CROCC: variants seen among roughly 807,000 people sequenced by gnomAD.
The protein encoded by CROCC is ciliary rootlet coiled-coil, rootletin.
Under a neutral mutation model 245.2 loss-of-function variants are expected in CROCC, and 180 were observed. The ratio of observed to expected loss-of-function variants is 0.73; its 90% confidence interval spans 0.65 to 0.83. The LOEUF is 0.83. CROCC is among the 40% of genes least tolerant of loss of function. The pLI, the probability that CROCC is intolerant of heterozygous loss-of-function variation, is 0.00. For synonymous variants in CROCC, 1,205 were observed against 1,241.6 expected (o/e 0.97, Z 0.62); for missense variants, 2,688 against 2,779.4 (o/e 0.97, Z 0.74).
At chr1:16,920,575 G>A (rs938561802), upstream of CROCC, among the ~76,000 whole-genome samples, 1 of 152,252 alleles carries the variant, frequency 6.6e-6, no homozygotes, top group African/African-American at 2.4e-5. Flanking sequence ...GAACACCATA[G>A]TTGCAAGTGA....
rs80211784 is a variant in CROCC, at chr1:16,971,859, C to G, written c.5967+212C>G. Among the ~76,000 whole-genome samples, 1,255 of 152,356 alleles carry G rather than the reference C, an allele frequency of 8.2e-3. 13 individuals are homozygous for G. The highest frequency in any genetic ancestry group is 0.028 in the African/African-American group (1,173 of 41,580). Reference sequence around the variant, plus strand: ...GCCTCCTGCCATGGCTCTGTTCCCCCTGGCTCCATGCTCAGGGTAGCCTTC... The same window carrying G: ...GCCTCCTGCCATGGCTCTGTTCCCCGTGGCTCCATGCTCAGGGTAGCCTTC... On this transcript the variant is annotated intron_variant, in intron 36 of 36. Coordinates refer to ENST00000375541, the MANE Select transcript of CROCC (RefSeq NM_014675.5).
intron 27 of CROCC, among the ~76,000 whole-genome samples, chr1:16,964,432 G>A (rs1357242025): frequency 6.6e-6 from 1 of 151,000 alleles, no homozygotes; most frequent in Admixed American, 6.6e-5. Context: ...GCCCAGGCTG[G>A]AGTGTAATGG....
intron 35 of CROCC, 60 bp from the exon 36 acceptor site, chr1:16,971,405 C>T (rs953459801): frequency 2.1e-6 from 3 of 1,459,706 alleles, no homozygotes; most frequent in East Asian, 2.6e-5. Context: ...GACAACCCGT[C>T]ACACATGCAC....
chr1:16,942,670 C>T lies in CROCC; in HGVS notation c.1809-1430C>T, dbSNP rs554051839. 5.9e-5 allele frequency among the ~76,000 whole-genome samples: 9 copies of T among 152,382 alleles called. No individual in the cohort carries two copies. In the South Asian group the frequency reaches 6.2e-4, roughly 11 times the overall value. ...GCTCAGACTCATACAGCGTGTGTGG[C>T]TGGGGGTGGCAGGGTGGGAACTGGA... On this transcript the variant is annotated intron_variant, in intron 13 of 36. Transcript: ENST00000375541.
chr1:16,914,160 G>C (rs1253716561), intron 1 of CROCC, among the ~76,000 whole-genome samples: 1 of 151,366 alleles, frequency 6.6e-6, no homozygotes, highest in African/African-American at 2.4e-5. Context: ...GGGCGCGCGC[G>C]TGCGCGGGGG....
upstream of CROCC, among the ~76,000 whole-genome samples, chr1:16,920,916 G>T (rs1490124503): frequency 6.6e-6 from 1 of 152,220 alleles, no homozygotes; most frequent in African/African-American, 2.4e-5. Flanking sequence ...GCTAATTTTT[G>T]TATTTTTGGT....
At position 16,966,355 on chromosome 1, in the gene CROCC, T is replaced by G. The variant is rs975993951; in HGVS notation, c.4697-53T>G. 49 of 1,474,276 alleles carry G rather than the reference T, an allele frequency of 3.3e-5. No individual in the cohort carries two copies. Among genetic ancestry groups the G allele is most frequent in the Non-Finnish European group, 4.0e-5 (45 of 1,111,288 alleles). 91.3% of individuals were successfully genotyped at this position (1,474,276 alleles called of 1,614,324 possible). A position where few individuals can be genotyped will look rare whatever the true frequency, so the allele number is the denominator to read the frequency against. On this transcript the variant is annotated intron_variant, in intron 29 of 36. Transcript: ENST00000375541. This position sits in a 1 kb window ranked among gnomAD's most constrained non-coding sequence, Gnocchi z 4.8. ...AGGCTGGACATTTTGTGACCTGGTT[T>G]GGGTCTCGGGGCTGTGCTTGGCCAT... is the stretch of plus-strand genomic sequence containing the variant.
intron 17 of CROCC, among the ~76,000 whole-genome samples, chr1:16,947,582 AAT>A (rs1269504480): frequency 6.6e-6 from 1 of 152,220 alleles, no homozygotes; most frequent in Non-Finnish European, 1.5e-5. Flanking sequence ...AAGAGACCTT[AAT>A]GTTTCAGGGA....
intron 27 of CROCC, among the ~76,000 whole-genome samples, chr1:16,962,992 G>A (rs1029808518): frequency 6.6e-6 from 1 of 150,650 alleles, no homozygotes; most frequent in African/African-American, 2.4e-5. Context: ...GACCAGCCTA[G>A]CCAACATGGT....
Position 16,968,235 on chromosome 1 carries a change from A to C in CROCC, c.4893A>C (p.Thr1631=). 6.4e-7 allele frequency: 1 copy of C among 1,567,890 alleles called. No homozygotes were observed. The highest frequency in any genetic ancestry group is 1.2e-5 in the South Asian group (1 of 85,130). The change falls in exon 31 of 37, where the codon ACA becomes ACC. Residue 1631 remains threonine (T), a synonymous_variant. Coordinates refer to ENST00000375541, the MANE Select transcript of CROCC (RefSeq NM_014675.5). ...EKISKMKANE[T]KLEGDKRRLK... The stretch of plus-strand genomic sequence containing the variant: ...TCAGCAAGATGAAGGCCAATGAGAC[A>C]AAGCTGGAGGGCGACAAGCGGCGCC...
upstream of CROCC, among the ~76,000 whole-genome samples, chr1:16,918,741 TTTG>T (rs1241354195): frequency 1.6e-4 from 23 of 148,308 alleles, 1 homozygote; most frequent in African/African-American, 2.7e-4. Context: ...GTTTTTTGTT[TTTG>T]TTTTTTTTTT....
rs1490908122 is a variant in CROCC at position 16,921,950 on chromosome 1, G to A, written c.-69G>A. 1.5e-5 allele frequency: 22 copies of A among 1,438,406 alleles called. No individual in the cohort carries two copies. The highest frequency in any genetic ancestry group is 3.7e-5 in the South Asian group (3 of 81,086). The allele number at this position is 1,438,406 out of a possible 1,614,324, so 89.1% of individuals were successfully genotyped here. A position where few individuals can be genotyped will look rare whatever the true frequency, so the allele number is the denominator to read the frequency against. On this transcript the variant is annotated 5_prime_UTR_variant, in exon 1 of 37. Coordinates refer to ENST00000375541, the MANE Select transcript of CROCC (RefSeq NM_014675.5). ...CTCAGCACAGCATCCTGGCTGTGGC[G>A]CGTGCTGACTGAGCTAGTCTTGGGG...
chr1:16,954,625 G>A lies in CROCC; in HGVS notation c.3322-109G>A. ...TGGCAGAGGGTCCGGCAGGCCAGCG[G>A]GAGGGGCCGTGTTTAGAGCTAAAAG... On this transcript the variant is annotated intron_variant, in intron 22 of 36. Coordinates refer to ENST00000375541, the MANE Select transcript of CROCC (RefSeq NM_014675.5). The surrounding 1 kb of genome is among the most constrained non-coding windows in gnomAD (Gnocchi z 4.4). The A allele has an allele frequency of 7.1e-7, 1 of 1,401,116 alleles. No individual in the cohort carries two copies. The highest frequency in any genetic ancestry group is 9.5e-7 in the Non-Finnish European group (1 of 1,051,154). 86.8% of individuals were successfully genotyped at this position (1,401,116 alleles called of 1,614,324 possible). A position where few individuals can be genotyped will look rare whatever the true frequency, so the allele number is the denominator to read the frequency against.
intron 1 of CROCC, among the ~76,000 whole-genome samples, chr1:16,915,607 T>G (rs1450813786): frequency 1.3e-5 from 2 of 149,860 alleles, no homozygotes; most frequent in African/African-American, 4.9e-5. Flanking sequence ...GCCACTGCAC[T>G]CCAGCCTGGA....
chr1:16,948,682 G>C lies in CROCC; in HGVS notation c.2709-117G>C, dbSNP rs1157036871. The C allele has an allele frequency of 3.2e-6, 5 of 1,539,694 alleles. No individual in the cohort carries two copies. The African/African-American group carries it at 6.8e-5, about 21-fold the overall frequency. On this transcript the variant is annotated intron_variant, in intron 18 of 36. Coordinates refer to ENST00000375541, the MANE Select transcript of CROCC (RefSeq NM_014675.5). The stretch of plus-strand genomic sequence containing the variant: ...GCTCAGGCTTCCCCAGGGAGTGTGG[G>C]CCTGGCCAGGCAGGTAGATTGGCAC...
chr1:16,922,708 C>T lies in CROCC; in HGVS notation c.106C>T (p.Arg36Trp), dbSNP rs138804532. The T allele has an allele frequency of 2.0e-4, 315 of 1,613,610 alleles. No homozygotes were observed. Among genetic ancestry groups the T allele is most frequent in the Middle Eastern group, 3.3e-4 (2 of 6,060 alleles). Reference protein sequence around the residue: ...VLCQEKGLGARDLAQDAQITS... With the variant: ...VLCQEKGLGAWDLAQDAQITS... Reference sequence around the variant, plus strand: ...GTGCCAGGAGAAAGGCTTGGGCGCGCGGGACCTGGCCCAGGACGCTCAGAT... The same window carrying T: ...GTGCCAGGAGAAAGGCTTGGGCGCGTGGGACCTGGCCCAGGACGCTCAGAT... Residue 36 changes from arginine to tryptophan, a missense_variant, in exon 2 of 37, where the codon CGG (arginine) becomes TGG (tryptophan). Transcript: ENST00000375541.
intron 35 of CROCC, 175 bp downstream of exon 35, chr1:16,970,942 G>A (rs2076507306): frequency 3.0e-6 from 2 of 661,016 alleles, no homozygotes; most frequent in Non-Finnish European, 4.6e-6. Flanking sequence ...AAGGTGTACA[G>A]AAAAGACACG....
chr1:16,971,790 C>A, intron 36 of CROCC, 143 bp downstream of exon 36: 1 of 796,072 alleles, frequency 1.3e-6, no homozygotes. Context: ...GCGCTGGTGT[C>A]AGCCAAGACC....
Position 16,938,958 on chromosome 1 carries a change from G to T in CROCC, c.1424G>T (p.Arg475Leu). ...ESGVQLSGSERTADASNGSLR... is the reference protein window; with the variant it reads ...ESGVQLSGSELTADASNGSLR... Reference sequence around the variant, plus strand: ...GGCGTCCAGCTGAGCGGCTCTGAGCGCACCGCGGATGCTTCCAACGGCAGC... The same window carrying T: ...GGCGTCCAGCTGAGCGGCTCTGAGCTCACCGCGGATGCTTCCAACGGCAGC... The change falls in exon 12 of 37, where the codon CGC (arginine) becomes CTC (leucine). Residue 475 changes from arginine (R) to leucine (L), a missense_variant. Transcript: ENST00000375541. The T allele has an allele frequency of 2.5e-6, 4 of 1,604,538 alleles. No homozygotes were observed. The highest frequency in any genetic ancestry group is 3.4e-6 in the Non-Finnish European group (4 of 1,177,468).
Sources: allele counts gnomAD v4.1 joint callset (sites outside exome capture counted in the v4.1 genomes callset), GRCh38; gene constraint gnomAD v4.1.1; non-coding constraint Gnocchi (gnomAD v3.1); transcripts MANE v1.5; gene names NCBI Gene and HGNC (gene_info 2026-07-23, HGNC 2026-07-21).